The following RELCH variants were observed in gnomAD, a reference collection of about 807,000 sequenced individuals.
The protein encoded by RELCH is RAB11-binding protein RELCH.
RELCH carries 41 observed loss-of-function variants against 150.3 expected under a neutral mutation model. The ratio of observed to expected loss-of-function variants is 0.27; its 90% CI spans 0.21 to 0.35. The LOEUF (loss-of-function observed/expected upper bound fraction) is 0.35. Ranked by LOEUF, RELCH falls within the 10% of genes least tolerant of loss-of-function variation. RELCH has a pLI of 1.00. For missense variants in RELCH, 1,092 were observed against 1,467.8 expected, an observed-to-expected ratio of 0.74 and a Z score of 4.18; for synonymous variants, 478 against 531.8, an observed-to-expected ratio of 0.90 and a Z score of 1.39.
intron 25 of RELCH, among the ~76,000 whole-genome samples, chr18:62,284,627 A>C (rs553599896): frequency 1.1e-4 from 17 of 152,306 alleles, no homozygotes; most frequent in African/African-American, 4.1e-4. Flanking sequence ...ACCTGTATGA[A>C]GAATGCGATA....
intron 20 of RELCH, 106 bp from the exon 21 acceptor site, chr18:62,273,874 T>C (rs2044046004): frequency 2.9e-6 from 2 of 699,038 alleles, no homozygotes; most frequent in African/African-American, 1.8e-5. Context: ...CAAATTTGGA[T>C]ATTTTCCCCT....
intron 5 of RELCH, among the ~76,000 whole-genome samples, chr18:62,222,238 C>G (rs989746592): frequency 1.3e-5 from 2 of 151,884 alleles, no homozygotes; most frequent in Non-Finnish European, 2.9e-5. Context: ...GTTCAGTTAA[C>G]CCCTCAGTTA....
chr18:62,278,109 G>A (rs940718847), intron 22 of RELCH: 2 of 152,390 alleles, frequency 1.3e-5, no homozygotes, highest in Non-Finnish European at 2.9e-5. Flanking sequence ...GCTCTTAAAT[G>A]TACTTTGTGA....
chr18:62,231,227 C>G lies in RELCH; in HGVS notation c.1482C>G (p.Leu494=). The G allele has an allele frequency of 6.2e-7, 1 of 1,608,510 alleles. No homozygotes were observed. Among genetic ancestry groups the G allele is most frequent in the Non-Finnish European group, 8.5e-7 (1 of 1,175,982 alleles). ...KLSPAFHQAL[L]SFCRMSADSR... ...CTCCTGCATTCCATCAAGCACTACT[C>G]TCTTTTTGTCGAATGTCAGCAGATA... Residue 494 remains leucine, a synonymous_variant, in exon 9 of 29, where the codon CTC becomes CTG. Transcript: ENST00000644646.
Position 62,221,517 on chromosome 18 carries a change from T to C in RELCH, c.858+20T>C. 8.3e-7 allele frequency: 1 copy of C among 1,204,558 alleles called. No individual in the cohort carries two copies. Among genetic ancestry groups the C allele is most frequent in the Admixed American group, 2.5e-5 (1 of 39,932 alleles). The allele number at this position is 1,204,558 out of a possible 1,614,324, so 74.6% of individuals were successfully genotyped here. A position where few individuals can be genotyped will look rare whatever the true frequency, so the allele number is the denominator to read the frequency against. On this transcript the variant is annotated intron_variant, in intron 5 of 28. Coordinates refer to ENST00000644646, the MANE Select transcript of RELCH (RefSeq NM_001346231.2). ...GATCAGGTAAAGTTACTTTTTGTTT[T>C]TACAGTGATTTTTTTCTACACTTAT...
intron 10 of RELCH, among the ~76,000 whole-genome samples, chr18:62,236,609 G>C (rs2041892438): frequency 6.6e-6 from 1 of 151,866 alleles, no homozygotes; most frequent in Non-Finnish European, 1.5e-5. Context: ...TTGATGAACA[G>C]TTGTTCATAG....
In RELCH at chr18:62,252,716, C is replaced by A; in HGVS notation, c.1786C>A (p.Arg596Ser). Residue 596 changes from arginine to serine, a missense_variant, in exon 12 of 29, where the codon CGT becomes AGT. By Grantham distance (110) the Arg-to-Ser change is moderately radical. Around this residue, in one of 4 missense-constraint regions of RELCH, gnomAD observed 707 missense variants for 1,025.4 expected, o/e 0.69. Transcript: ENST00000644646. The part of the protein sequence containing the change: ...VAFARHVGPT[R>S]VEAELLPQCW... ...ATTTGCGCGTCATGTTGGACCAACA[C>A]GTGTAGAAGCTGAACTTTTACCACA... 1 of 1,613,920 alleles carries A rather than the reference C, an allele frequency of 6.2e-7. No individual in the cohort carries two copies. Among genetic ancestry groups the A allele is most frequent in the Non-Finnish European group, 8.5e-7 (1 of 1,179,916 alleles).
chr18:62,264,175 T>C (rs200289086), intron 17 of RELCH, 30 bp downstream of exon 17: 2 of 1,548,468 alleles, frequency 1.3e-6, no homozygotes, highest in African/African-American at 2.8e-5. Flanking sequence ...TTAATTTGAA[T>C]AGATGATAAC....
At chr18:62,277,642 A>G (rs918630094) in intron 22 of RELCH, 108 of 967,714 alleles carry the variant, frequency 1.1e-4, no homozygotes, top group Non-Finnish European at 1.2e-4. Context: ...TACATATACC[A>G]GGAACCTAAT....
chr18:62,266,418 T>C (rs1275736817), intron 18 of RELCH, among the ~76,000 whole-genome samples: 1 of 151,894 alleles, frequency 6.6e-6, no homozygotes. Context: ...TAAAATCATA[T>C]TGGAAATTAT....
intron 20 of RELCH, among the ~76,000 whole-genome samples, chr18:62,272,015 A>C (rs1418500231): frequency 1.3e-5 from 2 of 152,200 alleles, no homozygotes; most frequent in Non-Finnish European, 2.9e-5. Context: ...GTAGTATTAA[A>C]ATACAGTTAT....
chr18:62,271,131 G>A (rs2043878125), intron 20 of RELCH, among the ~76,000 whole-genome samples: 1 of 152,106 alleles, frequency 6.6e-6, no homozygotes, highest in African/African-American at 2.4e-5. Context: ...TGGGTCAAAT[G>A]GTATTTCTAG....
chr18:62,283,879 A>G (rs191385097), intron 25 of RELCH, among the ~76,000 whole-genome samples: 1 of 152,280 alleles, frequency 6.6e-6, no homozygotes, highest in Admixed American at 6.5e-5. Flanking sequence ...GGTGTGTGCC[A>G]TGTTGTCAAG....
rs890778661 is a variant in RELCH, at chr18:62,306,996, T to C, written c.*1462T>C. On this transcript the variant is annotated 3_prime_UTR_variant, in exon 29 of 29. Transcript: ENST00000644646. ...ATTTCATTTACCTACAGTGAAATAA[T>C]TGTGAACTAAGTAGTCTTTCTGAAA... 2.0e-5 allele frequency: 3 copies of C among 152,652 alleles called. No homozygotes were observed. Among genetic ancestry groups the C allele is most frequent in the African/African-American group, 7.2e-5 (3 of 41,470 alleles). 9.5% of individuals were successfully genotyped at this position (152,652 alleles called of 1,614,324 possible). A position where few individuals can be genotyped will look rare whatever the true frequency, so the allele number is the denominator to read the frequency against.
In RELCH at chr18:62,273,962, A is replaced by C; in HGVS notation, c.2761-18A>C. The C allele has an allele frequency of 2.8e-6, 4 of 1,414,410 alleles. No homozygotes were observed. The highest frequency in any genetic ancestry group is 4.0e-6 in the Non-Finnish European group (4 of 1,000,354). The allele number at this position is 1,414,410 out of a possible 1,614,324, so 87.6% of individuals were successfully genotyped here. A position where few individuals can be genotyped will look rare whatever the true frequency, so the allele number is the denominator to read the frequency against. ...CTTGATTGTTTGGAAATTCAGTATC[A>C]GTATTTTTCCTCTGTAGGAAGAAGA... On this transcript the variant is annotated intron_variant, in intron 20 of 28. Coordinates refer to ENST00000644646, the MANE Select transcript of RELCH (RefSeq NM_001346231.2).
intron 1 of RELCH, among the ~76,000 whole-genome samples, chr18:62,196,306 T>C (rs1002633053): frequency 2.6e-5 from 4 of 152,202 alleles, no homozygotes; most frequent in African/African-American, 4.8e-5. Context: ...CTTGGCTCGC[T>C]GCAACCTCTG....
rs1454544510 is a variant in RELCH, at chr18:62,305,859, T to A, written c.*325T>A. ...TTTTTGGATGGGATATTCGCAAATA[T>A]CTGTATTATACACTAAGCTATTACA... On this transcript the variant is annotated 3_prime_UTR_variant, in exon 29 of 29. Coordinates refer to ENST00000644646, the MANE Select transcript of RELCH (RefSeq NM_001346231.2). The surrounding 1 kb of genome is among the most constrained non-coding windows in gnomAD (Gnocchi z 4.0). 1 of 155,022 alleles carries A rather than the reference T, an allele frequency of 6.5e-6. No individual in the cohort carries two copies. Among genetic ancestry groups the A allele is most frequent in the African/African-American group, 2.4e-5 (1 of 41,492 alleles). 9.6% of individuals were successfully genotyped at this position (155,022 alleles called of 1,614,324 possible). A position where few individuals can be genotyped will look rare whatever the true frequency, so the allele number is the denominator to read the frequency against.
chr18:62,295,492 T>C (rs1156894399), intron 27 of RELCH, among the ~76,000 whole-genome samples: 2 of 152,110 alleles, frequency 1.3e-5, no homozygotes, highest in South Asian at 2.1e-4. Context: ...TTTAGGTTTG[T>C]TTTTCTATTT....
intron 27 of RELCH, among the ~76,000 whole-genome samples, chr18:62,297,032 G>T (rs1018028698): frequency 3.3e-5 from 5 of 152,210 alleles, no homozygotes; most frequent in Non-Finnish European, 7.3e-5. Context: ...CTCCATTAGG[G>T]TATGGTGGGA....
Sources: gnomAD v4.1 joint callset for allele counts (sites outside exome capture counted in the v4.1 genomes callset) on GRCh38, gnomAD v4.1.1 for gene constraint, gnomAD v4.1.1 regional missense constraint, Gnocchi (gnomAD v3.1) non-coding constraint, MANE v1.5 for transcripts, NCBI Gene and HGNC (gene_info 2026-07-23, HGNC 2026-07-21) for gene names.